The following ZNF676 variants were observed in gnomAD, a reference collection of about 807,000 sequenced individuals.
ZNF676 encodes the protein zinc finger protein 676.
A neutral mutation model predicts 6.0 loss-of-function variants in ZNF676; 4 were observed. The ratio of observed to expected loss-of-function variants is 0.67; its 90% CI spans 0.33 to 1.53. The LOEUF (loss-of-function observed/expected upper bound fraction) is 1.53. Ranked by LOEUF, ZNF676 falls within the 40% of genes most tolerant of loss-of-function variation. The pLI, the probability that ZNF676 is intolerant of heterozygous loss-of-function variation, is 0.06. For missense variants in ZNF676, 644 were observed against 679.7 expected, an observed-to-expected ratio of 0.95 and a Z score of 0.58; for synonymous variants, 198 against 223.1, an observed-to-expected ratio of 0.89 and a Z score of 1.00.
chr19:22,245,006 A>C, the ZNF676 span: 4 of 152,232 alleles, frequency 2.6e-5, no homozygotes, highest in Non-Finnish European at 5.9e-5. Flanking sequence ...CATATGTCAC[A>C]ATACACAATA....
At chr19:22,211,161 T>C (rs1443280830) in intron 1 of ZNF676, among the ~76,000 whole-genome samples, 2 of 151,502 alleles carry the variant, frequency 1.3e-5, no homozygotes, top group Non-Finnish European at 2.9e-5. Flanking sequence ...CTCAAAACAG[T>C]AACAATTTTA....
the ZNF676 span, among the ~76,000 whole-genome samples, chr19:22,248,139 G>T: frequency 0.31 from 47,127 of 151,856 alleles, 7,649 homozygotes; most frequent in Non-Finnish European, 0.37. Flanking sequence ...TCTTAATCCA[G>T]TCTATCATTG....
chr19:22,195,323 C>T (rs2023955629), intron 1 of ZNF676, among the ~76,000 whole-genome samples: 3 of 152,108 alleles, frequency 2.0e-5, no homozygotes, highest in Admixed American at 1.3e-4. Context: ...TAAGGATTAG[C>T]CCCCGTCTTG....
At chr19:22,237,303 T>C in the ZNF676 span, among the ~76,000 whole-genome samples, 1 of 152,212 alleles carries the variant, frequency 6.6e-6, no homozygotes, top group Non-Finnish European at 1.5e-5. Context: ...CTCCCCAAGC[T>C]GCAACATTAA....
chr19:22,237,879 G>A, the ZNF676 span, among the ~76,000 whole-genome samples: 1 of 152,132 alleles, frequency 6.6e-6, no homozygotes, highest in Admixed American at 6.5e-5. Flanking sequence ...GTAGACACCT[G>A]GTGAGGCTGT....
the ZNF676 span, among the ~76,000 whole-genome samples, chr19:22,250,535 C>T: frequency 1.9e-4 from 29 of 152,222 alleles, no homozygotes; most frequent in African/African-American, 6.5e-4. Flanking sequence ...TCTCATGCCT[C>T]AGCCTCCTGA....
At position 22,179,657 on chromosome 19, in the gene ZNF676, G is replaced by C. The variant is rs1340714543; in HGVS notation, c.*293C>G. On this transcript the variant is annotated 3_prime_UTR_variant, in exon 3 of 3. Transcript: ENST00000397121. ...GTATGAATTCTTTTATGAGTAGTAA[G>C]GTGTGAGGAACAGTTGAAGTCTTTA... is the stretch of plus-strand genomic sequence containing the variant. 5 of 613,896 alleles carry C rather than the reference G, an allele frequency of 8.1e-6. No individual in the cohort carries two copies. The highest frequency in any genetic ancestry group is 1.2e-5 in the Non-Finnish European group (4 of 336,424). 38.0% of individuals were successfully genotyped at this position (613,896 alleles called of 1,614,324 possible).
intron 1 of ZNF676, among the ~76,000 whole-genome samples, chr19:22,213,459 C>T (rs532759394): frequency 6.6e-6 from 1 of 152,280 alleles, no homozygotes; most frequent in East Asian, 1.9e-4. Flanking sequence ...GGTTAGCTTT[C>T]CAAAAAAACA....
intron 1 of ZNF676, among the ~76,000 whole-genome samples, chr19:22,209,080 C>T (rs2024104653): frequency 6.6e-6 from 1 of 152,128 alleles, no homozygotes; most frequent in South Asian, 2.1e-4. Context: ...GCCTGGCCAA[C>T]ATGGCAAAAC....
chr19:22,254,732 C>T, the ZNF676 span, among the ~76,000 whole-genome samples: 140 of 152,276 alleles, frequency 9.2e-4, no homozygotes, highest in African/African-American at 3.2e-3. Context: ...AGCCCAGTGA[C>T]ATATCACAAT....
the ZNF676 span, among the ~76,000 whole-genome samples, chr19:22,231,386 A>T: frequency 6.6e-6 from 1 of 151,956 alleles, no homozygotes; most frequent in South Asian, 2.1e-4. Context: ...AGTTATTTAA[A>T]CATGTATATA....
At chr19:22,251,971 G>T in the ZNF676 span, among the ~76,000 whole-genome samples, 5 of 152,086 alleles carry the variant, frequency 3.3e-5, no homozygotes, top group Non-Finnish European at 7.4e-5. Context: ...GGATTATATT[G>T]TTGTTGTGCT....
At chr19:22,255,646 C>T in the ZNF676 span, among the ~76,000 whole-genome samples, 1 of 152,162 alleles carries the variant, frequency 6.6e-6, no homozygotes, top group East Asian at 1.9e-4. Flanking sequence ...GAGATCGAGA[C>T]CATCCTGGCT....
intron 2 of ZNF676, among the ~76,000 whole-genome samples, chr19:22,189,684 A>C (rs1194473857): frequency 4.6e-5 from 7 of 152,120 alleles, no homozygotes; most frequent in Non-Finnish European, 7.4e-5. Context: ...GAAAAAAAAC[A>C]AACAACCCCA....
At chr19:22,197,215 G>A (rs1852428), upstream of ZNF676, among the ~76,000 whole-genome samples, 64,173 of 151,382 alleles carry the variant, frequency 0.42, 14,410 homozygotes, top group African/African-American at 0.58. Flanking sequence ...CTAGCTACTC[G>A]GGAGGCTGAG....
the ZNF676 span, among the ~76,000 whole-genome samples, chr19:22,227,762 G>A: frequency 1.3e-5 from 2 of 152,156 alleles, no homozygotes; most frequent in Admixed American, 1.3e-4. Context: ...TAATCTAGAA[G>A]AAATGGATAA....
the ZNF676 span, among the ~76,000 whole-genome samples, chr19:22,258,666 T>C: frequency 3.9e-5 from 6 of 152,106 alleles, 1 homozygote; most frequent in South Asian, 1.2e-3. Context: ...CAATGGCCCA[T>C]GTAAGGCACA....
upstream of ZNF676, among the ~76,000 whole-genome samples, chr19:22,218,500 A>AT (rs142770128): frequency 0.035 from 4,701 of 136,134 alleles, 121 homozygotes; most frequent in African/African-American, 0.073. Flanking sequence ...ACCCAGCTAA[A>AT]TTTTTTTTTT....
chr19:22,197,572 C>T (rs1472400104), upstream of ZNF676, among the ~76,000 whole-genome samples: 6 of 151,712 alleles, frequency 4.0e-5, no homozygotes, highest in African/African-American at 7.3e-5. Context: ...TTAAAACATC[C>T]AGTAATAGAA....
Sources: gnomAD v4.1 joint callset for allele counts (sites outside exome capture counted in the v4.1 genomes callset) on GRCh38, gnomAD v4.1.1 for gene constraint, MANE v1.5 for transcripts, NCBI Gene and HGNC (gene_info 2026-07-23, HGNC 2026-07-21) for gene names.